MPPED2: variants seen among roughly 807,000 people sequenced by gnomAD.
MPPED2 encodes metallophosphoesterase domain containing 2, also known as metallophosphoesterase MPPED2.
In MPPED2, 5 loss-of-function variants were observed where a neutral mutation model predicts 33.0. That is an observed-to-expected ratio of 0.15 (90% CI 0.08 to 0.32). MPPED2 has a LOEUF of 0.32. MPPED2 is among the 10% of genes least tolerant of loss of function. The pLI, the probability that MPPED2 is intolerant of heterozygous loss-of-function variation, is 1.00. For synonymous variants in MPPED2, 136 were observed against 141.9 expected, an observed-to-expected ratio of 0.96 and a Z score of 0.29; for missense variants, 275 against 372.1, an observed-to-expected ratio of 0.74 and a Z score of 2.15.
chr11:30,549,235 T>C (rs903836163), intron 2 of MPPED2, among the ~76,000 whole-genome samples: 7 of 152,218 alleles, frequency 4.6e-5, no homozygotes, highest in Admixed American at 2.0e-4. Flanking sequence ...GCTTTCTTTC[T>C]GTACCTGGTT....
intron 4 of MPPED2, among the ~76,000 whole-genome samples, chr11:30,455,921 T>A (rs1950261600): frequency 6.6e-6 from 1 of 152,260 alleles, no homozygotes; most frequent in Non-Finnish European, 1.5e-5. Flanking sequence ...AGAGGCTCCA[T>A]GACTCTGTTT....
rs996583477 is a variant in MPPED2 at position 30,438,393 on chromosome 11, A to T, written c.537-20760T>A. Among the ~76,000 whole-genome samples, 30 of 152,212 alleles carry T rather than the reference A, an allele frequency of 2.0e-4. 1 individual carries two copies. On this transcript the variant is annotated intron_variant, in intron 4 of 6. Transcript: ENST00000358117. The stretch of plus-strand genomic sequence containing the variant: ...TCTCAAATTACCTATGAAGAATAGG[A>T]ATAAGAAGGTTTAAGTTAAATTACT...
rs1413792814 is a variant in MPPED2 at position 30,410,337 on chromosome 11, AG to A, written c.*1130del. 4 of 985,576 alleles carry A rather than the reference AG, an allele frequency of 4.1e-6. No individual in the cohort carries two copies. The African/African-American group carries it at 7.0e-5, about 17-fold the overall frequency. 61.1% of individuals were successfully genotyped at this position (985,576 alleles called of 1,614,324 possible). The stretch of plus-strand genomic sequence containing the variant: ...TTTCATTAACAAAGTAACATAAAAT[AG>A]AATAAAGCTCAACAGCATTTACAAT... On this transcript the variant is annotated 3_prime_UTR_variant, in exon 7 of 7. Coordinates refer to ENST00000358117, the MANE Select transcript of MPPED2 (RefSeq NM_001584.3).
intron 3 of MPPED2, among the ~76,000 whole-genome samples, chr11:30,531,826 C>A (rs1423886648): frequency 3.3e-5 from 5 of 152,178 alleles, no homozygotes; most frequent in Non-Finnish European, 7.3e-5. Flanking sequence ...GGAAATAAAC[C>A]ACCTTAGGCC....
intron 2 of MPPED2, among the ~76,000 whole-genome samples, chr11:30,574,739 A>G (rs980230129): frequency 6.6e-6 from 1 of 152,234 alleles, no homozygotes; most frequent in Non-Finnish European, 1.5e-5. Flanking sequence ...CAGGCCAGGC[A>G]TAAGGACTTG....
chr11:30,564,640 C>G (rs1366208381), intron 2 of MPPED2, among the ~76,000 whole-genome samples: 1 of 152,180 alleles, frequency 6.6e-6, no homozygotes, highest in Admixed American at 6.5e-5. Flanking sequence ...GCTTCCCTGT[C>G]TCCTCAGGCA....
At chr11:30,549,219 G>A (rs1168957695) in intron 2 of MPPED2, among the ~76,000 whole-genome samples, 2 of 152,104 alleles carry the variant, frequency 1.3e-5, no homozygotes, top group Non-Finnish European at 2.9e-5. Context: ...TATCCTGGAC[G>A]TAACTGCTTT....
intron 3 of MPPED2, among the ~76,000 whole-genome samples, chr11:30,496,051 T>G (rs917695279): frequency 6.6e-6 from 1 of 152,226 alleles, no homozygotes; most frequent in Non-Finnish European, 1.5e-5. Context: ...ACTCTAATTT[T>G]AAGTTTCCTT....
At chr11:30,522,648 G>A (rs1889945) in intron 3 of MPPED2, among the ~76,000 whole-genome samples, 34,517 of 152,088 alleles carry the variant, frequency 0.23, 4,258 homozygotes, top group East Asian at 0.41. Flanking sequence ...TTAACCTTGG[G>A]CTCCACTCCA....
chr11:30,517,772 G>C (rs1011546396), intron 3 of MPPED2, among the ~76,000 whole-genome samples: 1 of 152,156 alleles, frequency 6.6e-6, no homozygotes, highest in East Asian at 1.9e-4. Context: ...GAACTGCCAT[G>C]CCAAGCTTCT....
In MPPED2 at chr11:30,477,799, T is replaced by C. The variant is rs531842934; in HGVS notation, c.536+17497A>G. Among the ~76,000 whole-genome samples the C allele has an allele frequency of 5.3e-5, 8 of 152,256 alleles. No individual in the cohort carries two copies. In the East Asian group the frequency reaches 9.7e-4, roughly 18 times the overall value. On this transcript the variant is annotated intron_variant, in intron 4 of 6. Coordinates refer to ENST00000358117, the MANE Select transcript of MPPED2 (RefSeq NM_001584.3). ...GATTTCATTACTTCTTCTTTGAATG[T>C]TTAAATGTTGATATCTACGGTGGAC...
At chr11:30,523,592 G>C (rs1288829768) in intron 3 of MPPED2, among the ~76,000 whole-genome samples, 1 of 151,760 alleles carries the variant, frequency 6.6e-6, no homozygotes, top group Non-Finnish European at 1.5e-5. Flanking sequence ...GTAGAAAAGA[G>C]GGGGCTGAAG....
chr11:30,387,410 C>T (rs1947716552), exon 7 of MPPED2: 1 of 152,114 alleles, frequency 6.6e-6, no homozygotes. Context: ...CTTATCAGTA[C>T]TTATTGATAA....
chr11:30,504,971 G>A (rs756928824), intron 3 of MPPED2: 74 of 423,898 alleles, frequency 1.7e-4, no homozygotes, highest in Non-Finnish European at 2.5e-4. Flanking sequence ...ACACCACAGC[G>A]GAAATGCTCC....
At chr11:30,405,860 C>T (rs977973663), downstream of MPPED2, among the ~76,000 whole-genome samples, 1 of 151,980 alleles carries the variant, frequency 6.6e-6, no homozygotes, top group African/African-American at 2.4e-5. Context: ...TCTGACAAAT[C>T]CACTGTGAGA....
intron 2 of MPPED2, among the ~76,000 whole-genome samples, chr11:30,572,197 A>T (rs1362526960): frequency 1.3e-5 from 2 of 152,220 alleles, no homozygotes; most frequent in African/African-American, 4.8e-5. Context: ...TCAAGTAGCC[A>T]ACAAACAAAT....
At chr11:30,583,039 G>T (rs1230234718) in intron 1 of MPPED2, among the ~76,000 whole-genome samples, 2 of 150,772 alleles carry the variant, frequency 1.3e-5, no homozygotes, top group African/African-American at 2.5e-5. Context: ...TCAAGAAAAG[G>T]CTTATTTTTT....
At chr11:30,405,877 T>G (rs770336505), downstream of MPPED2, among the ~76,000 whole-genome samples, 3 of 152,178 alleles carry the variant, frequency 2.0e-5, no homozygotes, top group Non-Finnish European at 4.4e-5. Flanking sequence ...GAGATGGGAA[T>G]GATTCCTTTT....
intron 2 of MPPED2, among the ~76,000 whole-genome samples, chr11:30,575,034 A>G (rs1956866048): frequency 6.6e-6 from 1 of 152,218 alleles, no homozygotes; most frequent in African/African-American, 2.4e-5. Context: ...TATCTAATAC[A>G]GAACTAAAAC....
Sources: allele counts gnomAD v4.1 joint callset (sites outside exome capture counted in the v4.1 genomes callset), GRCh38; gene constraint gnomAD v4.1.1; transcripts MANE v1.5; gene names NCBI Gene and HGNC (gene_info 2026-07-23, HGNC 2026-07-21).